Variants in COL4A4 observed in about 807,000 individuals in gnomAD.
COL4A4 encodes collagen type IV alpha 4 chain, also known as collagen alpha-4(IV) chain.
Under a neutral mutation model 192.9 loss-of-function variants are expected in COL4A4, and 105 were observed. The observed-to-expected ratio is 0.54, with a 90% CI of 0.46 to 0.64. The LOEUF (loss-of-function observed/expected upper bound fraction) is 0.64, where lower values mean the gene tolerates loss of function less well. COL4A4 is among the 30% of genes least tolerant of loss of function. COL4A4 has a pLI of 0.00. For missense variants in COL4A4, 1,967 were observed against 2,169.3 expected (o/e 0.91, Z 1.85); for synonymous variants, 762 against 769.9 (o/e 0.99, Z 0.17).
At chr2:227,015,794 G>C (rs1052454838) in intron 44 of COL4A4, among the ~76,000 whole-genome samples, 1 of 152,128 alleles carries the variant, frequency 6.6e-6, no homozygotes, top group African/African-American at 2.4e-5. Context: ...AGGAAAATAC[G>C]CAATGACATA....
chr2:227,053,991 G>A (rs1159543573), intron 31 of COL4A4, among the ~76,000 whole-genome samples: 4 of 152,038 alleles, frequency 2.6e-5, no homozygotes, highest in African/African-American at 7.3e-5. Flanking sequence ...CACATGAGAT[G>A]CGAATGATTT....
chr2:227,037,420 CT>C lies in COL4A4; in HGVS notation c.3506-3940del, dbSNP rs1255809704. 9.2e-5 allele frequency among the ~76,000 whole-genome samples: 14 copies of C among 152,232 alleles called. 1 individual carries two copies. Among genetic ancestry groups the C allele is most frequent in the Admixed American group, 2.0e-4 (3 of 15,288 alleles). On this transcript the variant is annotated intron_variant, in intron 37 of 47. Transcript: ENST00000396625. ...TCCCTGCAAAGGACATGCACTCATC[CT>C]TTTTTTATGGCTGCATAGTATTCCA...
At chr2:227,034,324 C>T (rs1969089319) in intron 37 of COL4A4, among the ~76,000 whole-genome samples, 1 of 152,154 alleles carries the variant, frequency 6.6e-6, no homozygotes, top group African/African-American at 2.4e-5. Context: ...AATGACACTT[C>T]TTGATGGCCC....
intron 35 of COL4A4, among the ~76,000 whole-genome samples, chr2:227,043,418 T>C (rs1971845981): frequency 6.6e-6 from 1 of 152,234 alleles, no homozygotes; most frequent in Non-Finnish European, 1.5e-5. Context: ...CACAATTTTA[T>C]ATTCTGGTTT....
intron 37 of COL4A4, among the ~76,000 whole-genome samples, chr2:227,041,882 G>A (rs1044646603): frequency 5.5e-5 from 8 of 145,446 alleles, no homozygotes; most frequent in African/African-American, 2.2e-4. Flanking sequence ...AAGAAAGAAA[G>A]AAAGAAAGAA....
chr2:227,124,608 T>C (rs1372375323), intron 4 of COL4A4, among the ~76,000 whole-genome samples: 1 of 152,200 alleles, frequency 6.6e-6, no homozygotes, highest in East Asian at 1.9e-4. Context: ...TAAATATGTA[T>C]TATGAAAAAG....
At chr2:227,159,258 C>A (rs1487044985) in intron 1 of COL4A4, among the ~76,000 whole-genome samples, 1 of 152,154 alleles carries the variant, frequency 6.6e-6, no homozygotes, top group Middle Eastern at 3.4e-3. Flanking sequence ...CTAGAAAATG[C>A]CAACTAAAAT....
chr2:226,978,669 A>T, the COL4A4 span, among the ~76,000 whole-genome samples: 2 of 152,292 alleles, frequency 1.3e-5, no homozygotes, highest in South Asian at 2.1e-4. Context: ...CGCAGTGAGA[A>T]TGCACGCTGT....
the COL4A4 span, among the ~76,000 whole-genome samples, chr2:226,983,092 C>T: frequency 6.6e-6 from 1 of 152,166 alleles, no homozygotes; most frequent in Non-Finnish European, 1.5e-5. Flanking sequence ...CAAAGGCAAA[C>T]ATAACCACAG....
Position 227,005,160 on chromosome 2 carries a change from CTG to C in COL4A4, c.*2163_*2164del, listed in dbSNP as rs1961822433. 6.6e-6 allele frequency: 1 copy of C among 151,170 alleles called. No individual in the cohort carries two copies. The highest frequency in any genetic ancestry group is 2.1e-4 in the South Asian group (1 of 4,814). 9.4% of individuals were successfully genotyped at this position (151,170 alleles called of 1,614,324 possible). A position where few individuals can be genotyped will look rare whatever the true frequency, so the allele number is the denominator to read the frequency against. ...ACAGTCTGATACCTTCCCAAGCTCACTGTGGAGTAAACTGTCTACATAATTTA... is the reference window on the plus strand; with the variant it reads ...ACAGTCTGATACCTTCCCAAGCTCACTGGAGTAAACTGTCTACATAATTTA... On this transcript the variant is annotated 3_prime_UTR_variant, in exon 48 of 48. Transcript: ENST00000396625.
chr2:226,972,294 T>C, the COL4A4 span, among the ~76,000 whole-genome samples: 1 of 152,176 alleles, frequency 6.6e-6, no homozygotes, highest in East Asian at 1.9e-4. Context: ...TTCCATGGTG[T>C]ATATGTGCCA....
At chr2:227,025,749 A>C in intron 43 of COL4A4, 53 bp downstream of exon 43, 1 of 1,531,802 alleles carries the variant, frequency 6.5e-7, no homozygotes, top group African/African-American at 1.4e-5. Context: ...CAAGTACAGA[A>C]ATGACTAGAA....
chr2:227,133,407 C>T (rs906286551), intron 4 of COL4A4, among the ~76,000 whole-genome samples: 2 of 152,138 alleles, frequency 1.3e-5, no homozygotes, highest in African/African-American at 2.4e-5. Flanking sequence ...TTCTCATGCA[C>T]GGATGCTGGA....
chr2:226,997,844 T>C (rs934952607), downstream of COL4A4: 1 of 152,232 alleles, frequency 6.6e-6, no homozygotes, highest in African/African-American at 2.4e-5. Context: ...TGGAAATTAT[T>C]ATAATTATTT....
chr2:227,144,911 C>T (rs373582437), intron 2 of COL4A4, among the ~76,000 whole-genome samples: 2 of 152,106 alleles, frequency 1.3e-5, no homozygotes, highest in African/African-American at 4.8e-5. Context: ...CAGCTTTGTT[C>T]AGACATGCAC....
intron 37 of COL4A4, among the ~76,000 whole-genome samples, chr2:227,036,716 T>C (rs2150025277): frequency 6.6e-6 from 1 of 152,238 alleles, no homozygotes; most frequent in East Asian, 1.9e-4. Flanking sequence ...GCGGGACAAG[T>C]CTGTCCCTGA....
At chr2:227,036,119 T>C (rs1969610861) in intron 37 of COL4A4, among the ~76,000 whole-genome samples, 1 of 152,198 alleles carries the variant, frequency 6.6e-6, no homozygotes, top group Non-Finnish European at 1.5e-5. Flanking sequence ...TAATGAGGAA[T>C]TTTTATTCAC....
intron 43 of COL4A4, among the ~76,000 whole-genome samples, chr2:227,023,819 C>T (rs546671831): frequency 4.9e-4 from 74 of 152,040 alleles, no homozygotes; most frequent in Non-Finnish European, 8.4e-4. Flanking sequence ...TGAGACCATC[C>T]TAGCCAACAT....
At chr2:227,116,378 A>G (rs1168123262) in intron 7 of COL4A4, among the ~76,000 whole-genome samples, 1 of 152,192 alleles carries the variant, frequency 6.6e-6, no homozygotes, top group African/African-American at 2.4e-5. Context: ...CTCTGGGACT[A>G]ATGGGTCAGT....
Sources: allele counts gnomAD v4.1 joint callset (sites outside exome capture counted in the v4.1 genomes callset), GRCh38; gene constraint gnomAD v4.1.1; transcripts MANE v1.5; gene names NCBI Gene and HGNC (gene_info 2026-07-23, HGNC 2026-07-21).